The following TNIK variants were observed in gnomAD, a reference collection of about 807,000 sequenced individuals.
TNIK encodes TRAF2 and NCK-interacting protein kinase.
TNIK carries 49 observed loss-of-function variants against 191.3 expected under a neutral mutation model. The observed-to-expected ratio is 0.26, with a 90% confidence interval of 0.20 to 0.32. The LOEUF (loss-of-function observed/expected upper bound fraction) is 0.32, where lower values mean the gene tolerates loss of function less well. Among genes scored for constraint, TNIK ranks in the 10% least tolerant of loss-of-function variants. The pLI, the probability that TNIK is intolerant of heterozygous loss-of-function variation, is 1.00. For missense variants in TNIK, 1,155 were observed against 1,702.3 expected (o/e 0.68, Z 5.66); for synonymous variants, 594 against 600.9 (o/e 0.99, Z 0.17).
intron 15 of TNIK, among the ~76,000 whole-genome samples, chr3:171,135,353 T>C (rs2108610229): frequency 6.6e-6 from 1 of 152,320 alleles, no homozygotes; most frequent in East Asian, 1.9e-4. Flanking sequence ...TGATTTTTAT[T>C]CCTACTAAGA....
intron 2 of TNIK, among the ~76,000 whole-genome samples, chr3:171,336,216 G>T (rs1297224260): frequency 1.3e-5 from 2 of 151,888 alleles, no homozygotes; most frequent in African/African-American, 4.8e-5. Context: ...CATTTTCCAC[G>T]GCAAATTTCC....
intron 5 of TNIK, among the ~76,000 whole-genome samples, chr3:171,193,167 T>C (rs1738265738): frequency 6.6e-6 from 1 of 152,214 alleles, no homozygotes; most frequent in Non-Finnish European, 1.5e-5. Context: ...CCTTTGGCCA[T>C]TGTCTAATCT....
chr3:171,269,926 G>T (rs1339631622), intron 2 of TNIK, among the ~76,000 whole-genome samples: 3 of 152,126 alleles, frequency 2.0e-5, no homozygotes, highest in Admixed American at 6.5e-5. Flanking sequence ...AAGTTTCAGA[G>T]AAGTTTAAGT....
At chr3:171,096,184 C>T (rs543084720) in intron 22 of TNIK, among the ~76,000 whole-genome samples, 39 of 152,212 alleles carry the variant, frequency 2.6e-4, no homozygotes, top group African/African-American at 9.4e-4. Flanking sequence ...GGCCTGGTGG[C>T]ATCTGCCAGG....
intron 1 of TNIK, among the ~76,000 whole-genome samples, chr3:171,430,885 A>C (rs1164682116): frequency 1.3e-5 from 2 of 152,124 alleles, no homozygotes; most frequent in African/African-American, 4.8e-5. Flanking sequence ...TGAATACAGG[A>C]GAAGATAGCT....
intron 5 of TNIK, among the ~76,000 whole-genome samples, chr3:171,194,106 T>G (rs1380468338): frequency 6.6e-6 from 1 of 152,212 alleles, no homozygotes; most frequent in African/African-American, 2.4e-5. Context: ...TATTACACCA[T>G]TAGGGATAAT....
chr3:171,395,349 G>A (rs755826473), intron 1 of TNIK, among the ~76,000 whole-genome samples: 8 of 152,156 alleles, frequency 5.3e-5, no homozygotes, highest in Non-Finnish European at 1.0e-4. Context: ...ACACCTCATA[G>A]GGTCATTATA....
Position 171,194,225 on chromosome 3 carries a change from G to T in TNIK, c.417+300C>A, listed in dbSNP as rs141023742. 5.0e-4 allele frequency among the ~76,000 whole-genome samples: 76 copies of T among 152,146 alleles called. No homozygotes were observed. The East Asian group carries it at 0.014, about 29-fold the overall frequency. ...CACTGTCTTTATGATCTAAAATCAG[G>T]TTTCTAATTGGAAACAGCATTGAAA... On this transcript the variant is annotated intron_variant, in intron 5 of 32. Transcript: ENST00000436636.
intron 2 of TNIK, among the ~76,000 whole-genome samples, chr3:171,271,513 G>A (rs757928315): frequency 7.2e-5 from 11 of 152,282 alleles, no homozygotes; most frequent in Non-Finnish European, 1.5e-4. Flanking sequence ...ATGTCCATCT[G>A]TTCAAATCTT....
In TNIK at chr3:171,120,614, C is replaced by T. The variant is rs140768352; in HGVS notation, c.2120+2982G>A. On this transcript the variant is annotated intron_variant, in intron 18 of 32. Coordinates refer to ENST00000436636, the MANE Select transcript of TNIK (RefSeq NM_015028.4). ...GATTACAGGTGTGAGCCACCGCGCC[C>T]GGCCTCTTTTTTTAAAAAATTGATT... 8.5e-3 allele frequency among the ~76,000 whole-genome samples: 1,287 copies of T among 152,166 alleles called. 29 individuals are homozygous for T. Among genetic ancestry groups the T allele is most frequent in the Admixed American group, 0.048 (732 of 15,286 alleles).
chr3:171,310,771 C>T (rs1753935230), intron 2 of TNIK, among the ~76,000 whole-genome samples: 1 of 152,112 alleles, frequency 6.6e-6, no homozygotes, highest in Admixed American at 6.6e-5. Flanking sequence ...CATTATAATA[C>T]AAAGTCTACT....
chr3:171,355,006 C>A (rs1713819501), intron 2 of TNIK, among the ~76,000 whole-genome samples: 1 of 151,994 alleles, frequency 6.6e-6, no homozygotes, highest in Admixed American at 6.6e-5. Flanking sequence ...CTTGTATTTT[C>A]CCCCATCCCC....
chr3:171,086,730 C>G (rs557994506), intron 24 of TNIK, among the ~76,000 whole-genome samples: 1 of 152,266 alleles, frequency 6.6e-6, no homozygotes, highest in South Asian at 2.1e-4. Flanking sequence ...GTGAACTCAT[C>G]CAACTGGTGT....
chr3:171,166,032 T>G (rs1409930390), intron 10 of TNIK, among the ~76,000 whole-genome samples: 1 of 152,180 alleles, frequency 6.6e-6, no homozygotes, highest in East Asian at 1.9e-4. Flanking sequence ...AGGTACTGTT[T>G]CCTCAAAGAT....
chr3:171,422,778 G>A (rs1414949958), intron 1 of TNIK, among the ~76,000 whole-genome samples: 2 of 152,112 alleles, frequency 1.3e-5, no homozygotes, highest in Non-Finnish European at 2.9e-5. Flanking sequence ...TTGATACAAA[G>A]GAGTTCTCAT....
chr3:171,388,309 C>T (rs552984281), intron 1 of TNIK, among the ~76,000 whole-genome samples: 1 of 152,266 alleles, frequency 6.6e-6, no homozygotes, highest in African/African-American at 2.4e-5. Context: ...ATAACAACTT[C>T]CCATTGACAC....
At chr3:171,145,625 T>C (rs1312166452) in intron 12 of TNIK, among the ~76,000 whole-genome samples, 2 of 152,132 alleles carry the variant, frequency 1.3e-5, no homozygotes, top group Non-Finnish European at 2.9e-5. Context: ...AGGTAATGCA[T>C]TTATCCCAAA....
intron 2 of TNIK, among the ~76,000 whole-genome samples, chr3:171,292,578 C>A (rs540722063): frequency 6.6e-6 from 1 of 152,106 alleles, no homozygotes; most frequent in Non-Finnish European, 1.5e-5. Flanking sequence ...AGCTCAAGAC[C>A]ATCCTGGCTA....
intron 30 of TNIK, 150 bp from the exon 31 acceptor site, chr3:171,066,885 A>T: frequency 1.1e-6 from 1 of 935,634 alleles, no homozygotes; most frequent in Non-Finnish European, 1.5e-6. Flanking sequence ...ACTGACTTGT[A>T]AAATACCCTG....
Sources: allele counts gnomAD v4.1 joint callset (sites outside exome capture counted in the v4.1 genomes callset), GRCh38; gene constraint gnomAD v4.1.1; transcripts MANE v1.5; gene names NCBI Gene and HGNC (gene_info 2026-07-23, HGNC 2026-07-21).